Variants in CDH17 observed in about 807,000 individuals in gnomAD.
CDH17 encodes the protein cadherin-17.
In CDH17, 67 loss-of-function variants were observed where a neutral mutation model predicts 86.3. The ratio of observed to expected loss-of-function variants is 0.78; its 90% CI spans 0.64 to 0.95. The LOEUF (loss-of-function observed/expected upper bound fraction) is 0.95, where lower values mean the gene tolerates loss of function less well. Among genes scored for constraint, CDH17 ranks in the 40% least tolerant of loss-of-function variants. The pLI, the probability that CDH17 is intolerant of heterozygous loss-of-function variation, is 0.00. For missense variants in CDH17, 993 were observed against 1,017.6 expected (o/e 0.98, Z 0.33); for synonymous variants, 367 against 366.4 (o/e 1.00, Z -0.02).
chr8:94,197,593 G>A (rs933060034), intron 1 of CDH17, among the ~76,000 whole-genome samples: 1 of 152,060 alleles, frequency 6.6e-6, no homozygotes, highest in Non-Finnish European at 1.5e-5. Context: ...AGCACTTTGG[G>A]AGGCTGAGGC....
chr8:94,162,060 A>T, intron 11 of CDH17, 26 bp downstream of exon 11: 1 of 1,317,174 alleles, frequency 7.6e-7, no homozygotes, highest in Non-Finnish European at 1.1e-6. Flanking sequence ...AAAGTAAAGA[A>T]AAAACAAATA....
intron 1 of CDH17, among the ~76,000 whole-genome samples, chr8:94,198,735 T>A (rs564946120): frequency 6.6e-6 from 1 of 152,264 alleles, no homozygotes; most frequent in East Asian, 1.9e-4. Context: ...CCTGCTGCTC[T>A]CCCTGCCTGG....
chr8:94,145,233 AG>A (rs1226390869), intron 15 of CDH17, among the ~76,000 whole-genome samples: 23 of 152,350 alleles, frequency 1.5e-4, no homozygotes, highest in African/African-American at 5.0e-4. Flanking sequence ...TAATAGCAAA[AG>A]TTGGAGTTAC....
At chr8:94,208,982 C>T (rs1280938858), upstream of CDH17, among the ~76,000 whole-genome samples, 1 of 152,130 alleles carries the variant, frequency 6.6e-6, no homozygotes. Context: ...CATGTCTGAG[C>T]AATGACACAG....
chr8:94,154,626 C>G (rs1337889889), intron 12 of CDH17, among the ~76,000 whole-genome samples: 2 of 152,088 alleles, frequency 1.3e-5, no homozygotes, highest in Non-Finnish European at 2.9e-5. Context: ...AGAGTACTCC[C>G]CCTCTTCAGG....
chr8:94,208,274 T>C (rs1814067642), intron 1 of CDH17, among the ~76,000 whole-genome samples: 2 of 152,150 alleles, frequency 1.3e-5, no homozygotes, highest in African/African-American at 2.4e-5. Flanking sequence ...TTATAAAATA[T>C]GGACCAATGA....
intron 8 of CDH17, 23 bp from the exon 9 acceptor site, chr8:94,170,570 A>G (rs1444561253): frequency 6.2e-7 from 1 of 1,610,988 alleles, no homozygotes; most frequent in East Asian, 2.2e-5. Flanking sequence ...AGTCAGAGTT[A>G]AGGCAAGACT....
At chr8:94,207,522 C>T (rs993661478) in intron 1 of CDH17, among the ~76,000 whole-genome samples, 20 of 152,210 alleles carry the variant, frequency 1.3e-4, no homozygotes, top group Non-Finnish European at 2.9e-4. Context: ...TCACTAGAAA[C>T]CCTCTCTCAG....
At position 94,148,727 on chromosome 8, in the gene CDH17, T is replaced by TTG. The variant is rs1309553518; in HGVS notation, c.1927+16_1927+17insCA. On this transcript the variant is annotated intron_variant, in intron 14 of 17. Coordinates refer to ENST00000027335, the MANE Select transcript of CDH17 (RefSeq NM_004063.4). Reference sequence around the variant, plus strand: ...TCTGTGTTCCTTTTTTTTTGTTTTTTTTTTTTTTTTGCTTACCTACTTCTG... The same window carrying TTG: ...TCTGTGTTCCTTTTTTTTTGTTTTTTTGTTTTTTTTTTGCTTACCTACTTCTG... The TTG allele has an allele frequency of 7.0e-7, 1 of 1,428,828 alleles. No individual in the cohort carries two copies. Among genetic ancestry groups the TTG allele is most frequent in the African/African-American group, 1.5e-5 (1 of 66,972 alleles). The allele number at this position is 1,428,828 out of a possible 1,614,324, so 88.5% of individuals were successfully genotyped here.
intron 11 of CDH17, among the ~76,000 whole-genome samples, chr8:94,161,225 GA>G (rs1354272518): frequency 6.6e-6 from 1 of 152,200 alleles, no homozygotes; most frequent in African/African-American, 2.4e-5. Context: ...AGGCTGAGAA[GA>G]AATGGGTTAT....
chr8:94,184,851 G>T (rs1269517809), intron 3 of CDH17, among the ~76,000 whole-genome samples: 1 of 152,128 alleles, frequency 6.6e-6, no homozygotes, highest in African/African-American at 2.4e-5. Context: ...GTGTATGGTG[G>T]TTCAGTTCAT....
rs764515137 is a variant in CDH17, at chr8:94,128,501, G to A, written c.2399-161C>T. Among the ~76,000 whole-genome samples the A allele has an allele frequency of 3.9e-5, 6 of 152,258 alleles. No homozygotes were observed. The East Asian group carries it at 7.7e-4, about 20-fold the overall frequency. ...TCCTAGTGAATAAGGGACTCTAGTCGTTGGCCTTCTTGGAGAAATGAGCTT... is the reference window on the plus strand; with the variant it reads ...TCCTAGTGAATAAGGGACTCTAGTCATTGGCCTTCTTGGAGAAATGAGCTT... On this transcript the variant is annotated intron_variant, in intron 17 of 17. Coordinates refer to ENST00000027335, the MANE Select transcript of CDH17 (RefSeq NM_004063.4).
intron 15 of CDH17, among the ~76,000 whole-genome samples, chr8:94,136,404 G>A (rs2130574595): frequency 6.6e-6 from 1 of 152,074 alleles, no homozygotes; most frequent in Admixed American, 6.5e-5. Context: ...TTCAATCACT[G>A]ATACACTTTC....
At chr8:94,177,458 A>G (rs1813396366) in intron 4 of CDH17, 129 bp downstream of exon 4, 1 of 922,042 alleles carries the variant, frequency 1.1e-6, no homozygotes, top group Non-Finnish European at 1.7e-6. Context: ...AGGATTGCAA[A>G]GCGTCCCATT....
intron 5 of CDH17, 109 bp from the exon 6 acceptor site, chr8:94,174,369 G>A (rs920219216): frequency 1.0e-5 from 11 of 1,075,920 alleles, no homozygotes; most frequent in East Asian, 2.4e-5. Context: ...ATAGGGAAAG[G>A]TATGACAATT....
At position 94,127,911 on chromosome 8, in the gene CDH17, G is replaced by A. The variant is rs1812332567; in HGVS notation, c.*329C>T. On this transcript the variant is annotated 3_prime_UTR_variant, in exon 18 of 18. Coordinates refer to ENST00000027335, the MANE Select transcript of CDH17 (RefSeq NM_004063.4). ...GAGTTCAAGACCAGCCTGGCCAAAT[G>A]GCGAAACCCCGTCTCTATTAAAAAT... The A allele has an allele frequency of 4.2e-6, 1 of 237,836 alleles. No individual in the cohort carries two copies. The highest frequency in any genetic ancestry group is 5.2e-5 in the Admixed American group (1 of 19,256). 14.7% of individuals were successfully genotyped at this position (237,836 alleles called of 1,614,324 possible). A position where few individuals can be genotyped will look rare whatever the true frequency, so the allele number is the denominator to read the frequency against.
At chr8:94,193,622 A>T (rs1367460774) in intron 2 of CDH17, among the ~76,000 whole-genome samples, 1 of 152,178 alleles carries the variant, frequency 6.6e-6, no homozygotes, top group Non-Finnish European at 1.5e-5. Flanking sequence ...CCCTGGGATA[A>T]CATAGGTGAC....
chr8:94,177,528 C>G, intron 4 of CDH17, 59 bp downstream of exon 4: 2 of 1,586,320 alleles, frequency 1.3e-6, no homozygotes, highest in Non-Finnish European at 1.7e-6. Context: ...GCCATACTTC[C>G]AGAACAAAGG....
rs779854405 is a variant in CDH17, at chr8:94,189,327, G to A, written c.52-42C>T. 84 of 1,400,304 alleles carry A rather than the reference G, an allele frequency of 6.0e-5. 1 individual carries two copies. The South Asian group carries it at 1.0e-3, about 17-fold the overall frequency. 86.7% of individuals were successfully genotyped at this position (1,400,304 alleles called of 1,614,324 possible). On this transcript the variant is annotated intron_variant, in intron 2 of 17. Coordinates refer to ENST00000027335, the MANE Select transcript of CDH17 (RefSeq NM_004063.4). ...AGAAAATTAGCATCTTGTATGAAGT[G>A]TCTGTGTCACTCATTGATTTTATTA... is the stretch of plus-strand genomic sequence containing the variant.
Sources: gnomAD v4.1 joint callset for allele counts (sites outside exome capture counted in the v4.1 genomes callset) on GRCh38, gnomAD v4.1.1 for gene constraint, MANE v1.5 for transcripts, NCBI Gene and HGNC (gene_info 2026-07-23, HGNC 2026-07-21) for gene names.